GRIN2A: variants seen among roughly 807,000 people sequenced by gnomAD.
The protein encoded by GRIN2A is glutamate ionotropic receptor NMDA type subunit 2A.
GRIN2A carries 22 observed loss-of-function variants against 113.4 expected under a neutral mutation model. That is an observed-to-expected ratio of 0.19 (90% CI 0.14 to 0.28). The LOEUF is 0.28. GRIN2A is among the 10% of genes least tolerant of loss of function. The pLI, the probability that GRIN2A is intolerant of heterozygous loss-of-function variation, is 1.00. For synonymous variants in GRIN2A, 827 were observed against 738.4 expected, an observed-to-expected ratio of 1.12 and a Z score of -1.94; for missense variants, 1,502 against 1,887.0, an observed-to-expected ratio of 0.80 and a Z score of 3.78.
intron 4 of GRIN2A, among the ~76,000 whole-genome samples, chr16:9,889,834 C>A (rs999049503): frequency 6.6e-6 from 1 of 152,114 alleles, no homozygotes; most frequent in Non-Finnish European, 1.5e-5. Flanking sequence ...TATTTCAATT[C>A]TTCTAAACAC....
intron 2 of GRIN2A, among the ~76,000 whole-genome samples, chr16:10,165,306 T>C (rs1189139469): frequency 6.6e-6 from 1 of 151,756 alleles, no homozygotes; most frequent in Non-Finnish European, 1.5e-5. Context: ...GTAAATAAGG[T>C]ATAGGAAAAC....
intron 3 of GRIN2A, among the ~76,000 whole-genome samples, chr16:9,921,756 T>G (rs2044363143): frequency 6.6e-6 from 1 of 152,208 alleles, no homozygotes; most frequent in African/African-American, 2.4e-5. Flanking sequence ...TCAATCATGA[T>G]CACCTTATTA....
At chr16:9,850,313 G>T (rs1232014222) in intron 4 of GRIN2A, among the ~76,000 whole-genome samples, 1 of 152,152 alleles carries the variant, frequency 6.6e-6, no homozygotes, top group African/African-American at 2.4e-5. Flanking sequence ...AGAGAGGTCT[G>T]GGTTTGATTC....
chr16:10,028,509 T>G (rs1325429802), intron 2 of GRIN2A, among the ~76,000 whole-genome samples: 1 of 152,122 alleles, frequency 6.6e-6, no homozygotes, highest in Non-Finnish European at 1.5e-5. Context: ...CACCCTTTCT[T>G]CTCTCCTTCC....
At chr16:9,799,177 C>A (rs1903199828) in intron 10 of GRIN2A, among the ~76,000 whole-genome samples, 1 of 152,210 alleles carries the variant, frequency 6.6e-6, no homozygotes, top group South Asian at 2.1e-4. Context: ...AGCTATTAAA[C>A]TCTGCTGTTG....
At chr16:10,134,937 AG>A (rs1363301720) in intron 2 of GRIN2A, among the ~76,000 whole-genome samples, 2 of 34,556 alleles carry the variant, frequency 5.8e-5, no homozygotes, top group African/African-American at 7.3e-5. Flanking sequence ...CCAACGAACT[AG>A]CAAAAAAAAA....
At chr16:9,940,303 A>G (rs1007050724) in intron 2 of GRIN2A, among the ~76,000 whole-genome samples, 6 of 152,178 alleles carry the variant, frequency 3.9e-5, no homozygotes, top group African/African-American at 1.2e-4. Flanking sequence ...CAGAGAAGAA[A>G]CAAGAATAAA....
chr16:10,101,724 T>C (rs2048400992), intron 2 of GRIN2A, among the ~76,000 whole-genome samples: 1 of 152,140 alleles, frequency 6.6e-6, no homozygotes, highest in Admixed American at 6.5e-5. Flanking sequence ...GCCTTGGAAA[T>C]TGCTATATAT....
intron 11 of GRIN2A, among the ~76,000 whole-genome samples, chr16:9,779,625 G>C (rs1295299137): frequency 6.6e-6 from 1 of 152,300 alleles, no homozygotes; most frequent in East Asian, 1.9e-4. Flanking sequence ...TATATCAGCT[G>C]TCAGAACCAT....
At chr16:9,812,917 C>T (rs1296374468) in intron 10 of GRIN2A, among the ~76,000 whole-genome samples, 2 of 152,144 alleles carry the variant, frequency 1.3e-5, no homozygotes, top group African/African-American at 2.4e-5. Context: ...ATGCATTAAG[C>T]TCTGAATTGT....
intron 3 of GRIN2A, among the ~76,000 whole-genome samples, chr16:9,927,107 T>C (rs2044482985): frequency 6.6e-6 from 1 of 152,246 alleles, no homozygotes; most frequent in Admixed American, 6.5e-5. Context: ...ATATGAATCA[T>C]GATTTTTAAT....
chr16:10,118,667 G>C (rs1320619959), intron 2 of GRIN2A, among the ~76,000 whole-genome samples: 4 of 152,096 alleles, frequency 2.6e-5, no homozygotes, highest in South Asian at 2.1e-4. Flanking sequence ...TAAAAACTTG[G>C]GTTCTTTTCC....
intron 2 of GRIN2A, among the ~76,000 whole-genome samples, chr16:10,120,008 T>C (rs2048804546): frequency 6.6e-6 from 1 of 152,238 alleles, no homozygotes; most frequent in Non-Finnish European, 1.5e-5. Flanking sequence ...GTGGATTCCA[T>C]GTATTTGCTA....
intron 2 of GRIN2A, among the ~76,000 whole-genome samples, chr16:10,159,141 A>T (rs1458026632): frequency 6.6e-6 from 1 of 152,086 alleles, no homozygotes; most frequent in Non-Finnish European, 1.5e-5. Context: ...TCCTCTCTAC[A>T]ATGAGGGTGG....
intron 2 of GRIN2A, chr16:10,031,256 C>G (rs550244818): frequency 6.6e-6 from 1 of 152,362 alleles, no homozygotes; most frequent in East Asian, 1.9e-4. Context: ...TACCCTGAGC[C>G]TGTTCCCACC....
intron 2 of GRIN2A, among the ~76,000 whole-genome samples, chr16:9,942,526 C>T (rs996384623): frequency 5.9e-5 from 9 of 152,170 alleles, no homozygotes; most frequent in African/African-American, 2.2e-4. Flanking sequence ...ACTCATCTGT[C>T]CACGCCTGAC....
At chr16:10,048,827 A>T (rs1254839199) in intron 2 of GRIN2A, among the ~76,000 whole-genome samples, 1 of 151,954 alleles carries the variant, frequency 6.6e-6, no homozygotes, top group Non-Finnish European at 1.5e-5. Context: ...CTCCATCTCA[A>T]CCTTGGAGGG....
At chr16:10,032,119 G>A (rs571382081) in intron 2 of GRIN2A, among the ~76,000 whole-genome samples, 11 of 152,280 alleles carry the variant, frequency 7.2e-5, no homozygotes, top group African/African-American at 2.4e-4. Flanking sequence ...AGATTCACAT[G>A]AGCAGAAACA....
chr16:10,128,720 G>T (rs527469308), intron 2 of GRIN2A, among the ~76,000 whole-genome samples: 1 of 152,194 alleles, frequency 6.6e-6, no homozygotes, highest in African/African-American at 2.4e-5. Context: ...TCTCTATAAA[G>T]CACCATGCGC....
Sources: allele counts gnomAD v4.1 joint callset (sites outside exome capture counted in the v4.1 genomes callset), GRCh38; gene constraint gnomAD v4.1.1; transcripts MANE v1.5; gene names NCBI Gene and HGNC (gene_info 2026-07-23, HGNC 2026-07-21).